Variants in ANKRD30B observed in about 807,000 individuals in gnomAD.
ANKRD30B encodes ankyrin repeat domain-containing protein 30B.
Under a neutral mutation model 202.2 loss-of-function variants are expected in ANKRD30B, and 144 were observed. That is an observed-to-expected ratio of 0.71 (90% CI 0.62 to 0.82). The LOEUF is 0.82. Ranked by LOEUF, ANKRD30B falls within the 40% of genes least tolerant of loss-of-function variation. ANKRD30B has a pLI of 0.00. For missense variants in ANKRD30B, 1,487 were observed against 1,669.1 expected, an observed-to-expected ratio of 0.89 and a Z score of 1.90; for synonymous variants, 508 against 561.3, an observed-to-expected ratio of 0.91 and a Z score of 1.34.
intron 7 of ANKRD30B, among the ~76,000 whole-genome samples, chr18:14,768,330 C>G (rs1333744110): frequency 1.3e-5 from 2 of 152,178 alleles, no homozygotes; most frequent in African/African-American, 4.8e-5. Flanking sequence ...CTTCATGTGT[C>G]TCCTTTGTGA....
chr18:14,772,706 AG>A (rs1465410635), intron 9 of ANKRD30B, among the ~76,000 whole-genome samples: 1 of 100,058 alleles, frequency 1.0e-5, no homozygotes, highest in African/African-American at 3.7e-5. Context: ...CATAGCATAT[AG>A]GGTTTTTTTT....
rs917097566 is a variant in ANKRD30B, at chr18:14,809,865, C to T, written c.2387-121C>T. On this transcript the variant is annotated intron_variant, in intron 26 of 43. Coordinates refer to ENST00000690538, the MANE Select transcript of ANKRD30B (RefSeq NM_001367607.2). ...ACAATAACCCAAAAGACCCCAAAAC[C>T]TAGTGTAATCCCTTTTCAATCCAAG... is the stretch of plus-strand genomic sequence containing the variant. 19 of 995,234 alleles carry T rather than the reference C, an allele frequency of 1.9e-5. No individual in the cohort carries two copies. In the African/African-American group the frequency reaches 3.1e-4, roughly 16 times the overall value. The allele number at this position is 995,234 out of a possible 1,614,324, so 61.7% of individuals were successfully genotyped here.
the ANKRD30B span, among the ~76,000 whole-genome samples, chr18:14,940,169 C>G: frequency 6.6e-6 from 1 of 152,202 alleles, no homozygotes; most frequent in Non-Finnish European, 1.5e-5. Context: ...ATGAAGCCCA[C>G]AGTGGGTCCC....
the ANKRD30B span, among the ~76,000 whole-genome samples, chr18:14,875,836 A>T: frequency 6.6e-6 from 1 of 152,064 alleles, no homozygotes; most frequent in Non-Finnish European, 1.5e-5. Flanking sequence ...TACCATAGAG[A>T]CATTCTTTAC....
Position 14,748,476 on chromosome 18 carries a change from C to A in ANKRD30B, c.57C>A (p.Asn19Lys). The A allele has an allele frequency of 1.3e-6, 2 of 1,546,152 alleles. No individual in the cohort carries two copies. The highest frequency in any genetic ancestry group is 2.4e-5 in the South Asian group (2 of 83,644). Reference sequence around the variant, plus strand: ...GCGTGCGGGGCCCGGAGCCCCCGAACCCCTTCAGCGAACGGGTCTACACTG... The same window carrying A: ...GCGTGCGGGGCCCGGAGCCCCCGAAACCCTTCAGCGAACGGGTCTACACTG... ...GKGVRGPEPP[N>K]PFSERVYTEK... is the part of the protein sequence containing the mutation. The change falls in exon 1 of 44, where the codon AAC (asparagine) becomes AAA (lysine). Residue 19 changes from asparagine (N) to lysine (K), a missense_variant. By Grantham distance (94) the Asn-to-Lys change is moderately conservative. Coordinates refer to ENST00000690538, the MANE Select transcript of ANKRD30B (RefSeq NM_001367607.2).
the ANKRD30B span, among the ~76,000 whole-genome samples, chr18:14,882,489 T>C: frequency 6.6e-6 from 1 of 152,248 alleles, no homozygotes; most frequent in African/African-American, 2.4e-5. Context: ...AATTTCAATT[T>C]TCTTCAATTT....
chr18:14,790,839 G>C (rs568507274), intron 15 of ANKRD30B, among the ~76,000 whole-genome samples: 1 of 151,984 alleles, frequency 6.6e-6, no homozygotes, highest in African/African-American at 2.4e-5. Flanking sequence ...AGGGATATTG[G>C]TCTAAAATTC....
rs191070112 is a variant in ANKRD30B at position 14,796,277 on chromosome 18, A to G, written c.1854+28A>G. On this transcript the variant is annotated intron_variant, in intron 17 of 43. Coordinates refer to ENST00000690538, the MANE Select transcript of ANKRD30B (RefSeq NM_001367607.2). ...AATAACTTTTATATTGCTATCTTGA[A>G]TACTAACTACATATTTTAGGAAGCA... 266 of 1,609,742 alleles carry G rather than the reference A, an allele frequency of 1.7e-4. 1 individual carries two copies. In the African/African-American group the frequency reaches 2.7e-3, roughly 16 times the overall value.
chr18:14,789,957 AC>A lies in ANKRD30B; in HGVS notation c.1735-1443del, dbSNP rs1968356095. On this transcript the variant is annotated intron_variant, in intron 15 of 43. Transcript: ENST00000690538. ...TCATTGGTAGCTTAATGGGGATGGCACTGAATCTATAAATTACTTGGGCAGT... is the reference window on the plus strand; with the variant it reads ...TCATTGGTAGCTTAATGGGGATGGCATGAATCTATAAATTACTTGGGCAGT... 2.6e-5 allele frequency among the ~76,000 whole-genome samples: 4 copies of A among 152,276 alleles called. No homozygotes were observed. In the South Asian group the frequency reaches 8.3e-4, roughly 32 times the overall value.
chr18:14,913,521 CT>C, the ANKRD30B span, among the ~76,000 whole-genome samples: 1 of 152,210 alleles, frequency 6.6e-6, no homozygotes, highest in African/African-American at 2.4e-5. Flanking sequence ...TTCACACTCT[CT>C]TTTAGGATGT....
chr18:14,873,551 A>AT, the ANKRD30B span, among the ~76,000 whole-genome samples: 1 of 141,804 alleles, frequency 7.1e-6, no homozygotes, highest in Non-Finnish European at 1.5e-5. Flanking sequence ...AAAAAGAGAG[A>AT]ATTTGGGCTT....
chr18:14,821,496 C>T (rs927254094), intron 30 of ANKRD30B, among the ~76,000 whole-genome samples: 1 of 152,150 alleles, frequency 6.6e-6, no homozygotes, highest in Non-Finnish European at 1.5e-5. Context: ...CTCACTCTGT[C>T]ATCCAGGCTG....
downstream of ANKRD30B, among the ~76,000 whole-genome samples, chr18:14,855,666 G>A (rs574525155): frequency 1.5e-4 from 22 of 149,194 alleles, no homozygotes; most frequent in African/African-American, 4.2e-4. Flanking sequence ...CATCCCAGAC[G>A]ATGGGCGGCC....
the ANKRD30B span, chr18:14,889,994 G>A: frequency 1.0e-4 from 104 of 1,012,284 alleles, 1 homozygote; most frequent in African/African-American, 8.6e-4. Context: ...ATACCTTTGC[G>A]TAGAGTTTTC....
intron 18 of ANKRD30B, among the ~76,000 whole-genome samples, chr18:14,797,067 C>G (rs1198405112): frequency 6.6e-6 from 1 of 152,054 alleles, no homozygotes; most frequent in African/African-American, 2.4e-5. Flanking sequence ...TACAAACAAT[C>G]CATAGAAACA....
At chr18:14,840,415 T>C (rs1416748864) in intron 36 of ANKRD30B, among the ~76,000 whole-genome samples, 173 bp from the exon 37 acceptor site, 2 of 152,144 alleles carry the variant, frequency 1.3e-5, no homozygotes, top group Admixed American at 6.5e-5. Context: ...AGCTCATGCC[T>C]GTAGTCCCAG....
chr18:14,903,745 C>T, the ANKRD30B span: 2 of 152,130 alleles, frequency 1.3e-5, no homozygotes, highest in African/African-American at 4.8e-5. Flanking sequence ...CATCTTCTGC[C>T]GGTTAAGCCA....
the ANKRD30B span, among the ~76,000 whole-genome samples, chr18:14,926,291 A>C: frequency 6.6e-6 from 1 of 152,220 alleles, no homozygotes; most frequent in East Asian, 1.9e-4. Flanking sequence ...ATGTGACATG[A>C]AAAGAACAAG....
chr18:14,830,380 TA>T (rs1383829433), intron 33 of ANKRD30B: 2 of 152,520 alleles, frequency 1.3e-5, no homozygotes, highest in African/African-American at 4.8e-5. Context: ...AAGTATAAAA[TA>T]AGTAGTTAGA....
Sources: allele counts gnomAD v4.1 joint callset (sites outside exome capture counted in the v4.1 genomes callset), GRCh38; gene constraint gnomAD v4.1.1; transcripts MANE v1.5; gene names NCBI Gene and HGNC (gene_info 2026-07-23, HGNC 2026-07-21).